LAMC1: variants seen among roughly 807,000 people sequenced by gnomAD.
The protein encoded by LAMC1 is laminin subunit gamma-1.
LAMC1 carries 38 observed loss-of-function variants against 173.6 expected under a neutral mutation model. That is an observed-to-expected ratio of 0.22 (90% confidence interval 0.17 to 0.29). The LOEUF is 0.29. Ranked by LOEUF, LAMC1 falls within the 10% of genes least tolerant of loss-of-function variation. The pLI, the probability that LAMC1 is intolerant of heterozygous loss-of-function variation, is 1.00. For missense variants in LAMC1, 1,824 were observed against 2,051.8 expected, an observed-to-expected ratio of 0.89 and a Z score of 2.14; for synonymous variants, 746 against 749.1, an observed-to-expected ratio of 1.00 and a Z score of 0.07.
chr1:183,131,730 G>A (rs1228793146), intron 20 of LAMC1, among the ~76,000 whole-genome samples: 15 of 152,162 alleles, frequency 9.9e-5, no homozygotes, highest in African/African-American at 3.6e-4. Flanking sequence ...GATTAGGCAT[G>A]GGATTTGTTT....
intron 26 of LAMC1, 109 bp downstream of exon 26, chr1:183,137,936 A>G: frequency 1.0e-6 from 1 of 1,001,876 alleles, no homozygotes; most frequent in Non-Finnish European, 1.4e-6. Flanking sequence ...TCTGTTTTTC[A>G]TCACATTGTC....
At chr1:183,088,055 C>T (rs752239463) in intron 1 of LAMC1, among the ~76,000 whole-genome samples, 6 of 151,894 alleles carry the variant, frequency 4.0e-5, no homozygotes, top group South Asian at 2.1e-4. Flanking sequence ...TCAGGTGATC[C>T]GCCTCCCAAA....
intron 1 of LAMC1, among the ~76,000 whole-genome samples, chr1:183,085,517 C>T (rs568021076): frequency 1.1e-4 from 16 of 152,142 alleles, no homozygotes; most frequent in African/African-American, 3.6e-4. Flanking sequence ...TGCAAGCCAC[C>T]ATGCTTGGCT....
chr1:183,075,041 T>G (rs1558039845), intron 1 of LAMC1, among the ~76,000 whole-genome samples: 1 of 152,084 alleles, frequency 6.6e-6, no homozygotes, highest in African/African-American at 2.4e-5. Context: ...GAAAGTATTT[T>G]CCAAGATAGA....
chr1:183,134,245 C>T (rs1042160231), intron 22 of LAMC1, among the ~76,000 whole-genome samples: 1 of 152,100 alleles, frequency 6.6e-6, no homozygotes, highest in Non-Finnish European at 1.5e-5. Flanking sequence ...GTTTAGGTCT[C>T]TTTAGATATG....
intron 1 of LAMC1, among the ~76,000 whole-genome samples, chr1:183,031,532 G>A (rs1024484449): frequency 2.6e-5 from 4 of 152,110 alleles, no homozygotes; most frequent in Non-Finnish European, 2.9e-5. Context: ...TTGAACTCCC[G>A]ACCTCAGGTG....
chr1:183,130,605 C>A, intron 19 of LAMC1, 56 bp downstream of exon 19: 3 of 1,401,262 alleles, frequency 2.1e-6, no homozygotes, highest in Non-Finnish European at 3.0e-6. Flanking sequence ...GGGTTTGTAG[C>A]AAGTCTGTTA....
rs532389289 is a variant in LAMC1 at position 183,131,416 on chromosome 1, C to T, written c.3566+38C>T. 11 of 995,988 alleles carry T rather than the reference C, an allele frequency of 1.1e-5. No homozygotes were observed. The South Asian group carries it at 1.3e-4, about 12-fold the overall frequency. 61.7% of individuals were successfully genotyped at this position (995,988 alleles called of 1,614,324 possible). On this transcript the variant is annotated intron_variant, in intron 20 of 27. Transcript: ENST00000258341. The stretch of plus-strand genomic sequence containing the variant: ...TCCCTGTTTAATGGTTAAGTTGTGG[C>T]TTCTGTTATGGGGTGTGTGTGTGTG...
At chr1:183,100,736 C>T (rs747755) in intron 1 of LAMC1, among the ~76,000 whole-genome samples, 15,860 of 152,200 alleles carry the variant, frequency 0.1, 1,020 homozygotes, top group Admixed American at 0.2. Flanking sequence ...TGTCTGTATG[C>T]GCCGTTGGGT....
intron 17 of LAMC1, 47 bp downstream of exon 17, chr1:183,127,451 G>C: frequency 6.4e-7 from 1 of 1,563,284 alleles, no homozygotes; most frequent in Non-Finnish European, 8.8e-7. Flanking sequence ...CAGACGTTGA[G>C]TGGCAACTTA....
chr1:183,131,462 T>TGTGTGTGTGTGG (rs56123159), intron 20 of LAMC1, 84 bp downstream of exon 20: 1 of 837,826 alleles, frequency 1.2e-6, no homozygotes, highest in Non-Finnish European at 1.9e-6. Flanking sequence ...TGTGTGTGTA[T>TGTGTGTGTGTGG]TGTCTTATCC....
intron 1 of LAMC1, among the ~76,000 whole-genome samples, chr1:183,093,332 C>T (rs564222191): frequency 7.6e-4 from 115 of 152,208 alleles, no homozygotes; most frequent in African/African-American, 2.6e-3. Flanking sequence ...CTTAGCATTT[C>T]AGGAGTATAT....
At chr1:183,109,875 G>A (rs893088650) in intron 3 of LAMC1, among the ~76,000 whole-genome samples, 8 of 152,068 alleles carry the variant, frequency 5.3e-5, no homozygotes, top group African/African-American at 1.9e-4. Context: ...CAACCTCAGG[G>A]GATATTAGTC....
intron 1 of LAMC1, among the ~76,000 whole-genome samples, chr1:183,080,324 G>A (rs1350557529): frequency 6.6e-6 from 1 of 152,112 alleles, no homozygotes; most frequent in Non-Finnish European, 1.5e-5. Flanking sequence ...ACAGTTTCTA[G>A]GCTGTGTCCT....
chr1:183,081,450 T>C (rs1655273409), intron 1 of LAMC1, among the ~76,000 whole-genome samples: 1 of 151,488 alleles, frequency 6.6e-6, no homozygotes, highest in African/African-American at 2.4e-5. Context: ...ATGCAAAAAT[T>C]AGCTGGGCAT....
intron 1 of LAMC1, among the ~76,000 whole-genome samples, chr1:183,065,685 A>G (rs1654858981): frequency 6.6e-6 from 1 of 152,208 alleles, no homozygotes; most frequent in South Asian, 2.1e-4. Context: ...TCACGTGTAT[A>G]TTTTTGATTA....
chr1:183,050,361 A>T (rs527418978), intron 1 of LAMC1, among the ~76,000 whole-genome samples: 71 of 144,568 alleles, frequency 4.9e-4, no homozygotes, highest in African/African-American at 1.8e-3. Flanking sequence ...GGCTCACTGC[A>T]AGCGCCACCT....
At chr1:183,034,109 T>C (rs977803815) in intron 1 of LAMC1, among the ~76,000 whole-genome samples, 3 of 152,194 alleles carry the variant, frequency 2.0e-5, no homozygotes, top group Admixed American at 1.3e-4. Context: ...AAAGGACTTA[T>C]GTAAATAAGA....
chr1:183,108,221 A>G, intron 2 of LAMC1, 55 bp from the exon 3 acceptor site: 2 of 1,551,606 alleles, frequency 1.3e-6, no homozygotes, highest in Admixed American at 1.7e-5. Flanking sequence ...TCACATTTAT[A>G]TCATTTTCAG....
Sources: allele counts gnomAD v4.1 joint callset (sites outside exome capture counted in the v4.1 genomes callset), GRCh38; gene constraint gnomAD v4.1.1; transcripts MANE v1.5; gene names NCBI Gene and HGNC (gene_info 2026-07-23, HGNC 2026-07-21).